The following PRDM4 variants were observed in gnomAD, a reference collection of about 807,000 sequenced individuals.
PRDM4 encodes PR domain zinc finger protein 4.
A neutral mutation model predicts 62.3 loss-of-function variants in PRDM4; 38 were observed. The ratio of observed to expected loss-of-function variants is 0.61; its 90% CI spans 0.47 to 0.80. The LOEUF (loss-of-function observed/expected upper bound fraction) is 0.80. Ranked by LOEUF, PRDM4 falls within the 30% of genes least tolerant of loss-of-function variation. PRDM4 has a pLI of 0.00. For missense variants in PRDM4, 858 were observed against 997.1 expected, an observed-to-expected ratio of 0.86 and a Z score of 1.88; for synonymous variants, 339 against 348.2, an observed-to-expected ratio of 0.97 and a Z score of 0.30.
At chr12:107,754,534 C>T (rs1210545534) in intron 3 of PRDM4, among the ~76,000 whole-genome samples, 1 of 151,978 alleles carries the variant, frequency 6.6e-6, no homozygotes, top group African/African-American at 2.4e-5. Flanking sequence ...AGGCACACAC[C>T]ACCACACCCA....
chr12:107,741,126 G>C lies in PRDM4; in HGVS notation c.1744C>G (p.Pro582Ala), dbSNP rs1239374160. ...CACTTCCTTTCTTTGCTGTGACTTG[G>C]CCCATGGCTGCCGCTATGTCCCTGG... ...PTQGHSGSHG[P>A]SHSKERKWKC... The change falls in exon 10 of 12, where the codon CCA becomes GCA. Residue 582 changes from proline to alanine, a missense_variant. Transcript: ENST00000228437. 1 of 1,614,118 alleles carries C rather than the reference G, an allele frequency of 6.2e-7. No homozygotes were observed. Among genetic ancestry groups the C allele is most frequent in the Admixed American group, 1.7e-5 (1 of 60,026 alleles).
intron 5 of PRDM4, among the ~76,000 whole-genome samples, chr12:107,749,378 CTACT>C (rs1463144466): frequency 6.7e-6 from 1 of 149,710 alleles, no homozygotes; most frequent in African/African-American, 2.4e-5. Flanking sequence ...ACTACCCTAC[CTACT>C]TAGTTTCTGT....
chr12:107,745,583 A>AAAAT (rs1291234752), intron 6 of PRDM4, among the ~76,000 whole-genome samples: 1 of 152,192 alleles, frequency 6.6e-6, no homozygotes, highest in Non-Finnish European at 1.5e-5. Context: ...CAGTCTCTTA[A>AAAAT]AAATAAATAA....
At position 107,754,014 on chromosome 12, in the gene PRDM4, C is replaced by T. The variant is rs143943161; in HGVS notation, c.241G>A (p.Val81Met). The change falls in exon 4 of 12, where the codon GTG (valine) becomes ATG (methionine). Residue 81 changes from valine to methionine, a missense_variant. Transcript: ENST00000228437. ...TTTCTTTCAGGTAACCCACACATCA[C>T]CCCTCGATCCCCAATACCCATTGGT... ...MLPMGIGDRG[V>M]MCGLPERNYT... The T allele has an allele frequency of 1.2e-6, 2 of 1,613,746 alleles. No homozygotes were observed. Among genetic ancestry groups the T allele is most frequent in the East Asian group, 2.2e-5 (1 of 44,880 alleles).
intron 7 of PRDM4, among the ~76,000 whole-genome samples, chr12:107,743,678 C>G (rs1333934632): frequency 2.0e-5 from 3 of 152,180 alleles, no homozygotes; most frequent in Non-Finnish European, 4.4e-5. Flanking sequence ...GCCTAGCATT[C>G]CAAATTTAAA....
chr12:107,739,431 A>G lies in PRDM4; in HGVS notation c.2045T>C (p.Leu682Ser). The change falls in exon 11 of 12, where the codon TTG becomes TCG. Residue 682 changes from leucine to serine, a missense_variant. By Grantham distance (145) the Leu-to-Ser change is moderately radical. This residue lies in a region of PRDM4 where 355 missense variants were observed against 432.6 expected (regional missense o/e 0.82). Transcript: ENST00000228437. ...KNLKCDYCDK[L>S]FMRRQDLKQH... ...CTTGAGGTCCTGCCTCCGCATAAAC[A>G]ACTTGTCACAGTAATCACACTTAAG... 6.2e-7 allele frequency: 1 copy of G among 1,613,884 alleles called. No homozygotes were observed.
At chr12:107,741,645 G>A (rs968561793) in intron 9 of PRDM4, among the ~76,000 whole-genome samples, 2 of 152,148 alleles carry the variant, frequency 1.3e-5, no homozygotes, top group Non-Finnish European at 2.9e-5. Flanking sequence ...TTGAGCCCAG[G>A]AGTTGAAGGT....
At position 107,744,624 on chromosome 12, in the gene PRDM4, G is replaced by A. The variant is rs145372373; in HGVS notation, c.1314C>T (p.Cys438=). The A allele has an allele frequency of 2.2e-4, 363 of 1,613,858 alleles. No individual in the cohort carries two copies. In the African/African-American group the frequency reaches 4.6e-3, roughly 21 times the overall value. The part of the protein sequence containing the change: ...WTGETIPVRT[C]FGPLIGQQSH... Reference sequence around the variant, plus strand: ...TCTGCTGGCCAATTAGAGGTCCAAAGCAAGTCCGCACAGGAATGGTTTCTC... The same window carrying A: ...TCTGCTGGCCAATTAGAGGTCCAAAACAAGTCCGCACAGGAATGGTTTCTC... The change falls in exon 7 of 12, where the codon TGC becomes TGT. Residue 438 remains cysteine, a synonymous_variant. Coordinates refer to ENST00000228437, the MANE Select transcript of PRDM4 (RefSeq NM_012406.4).
At chr12:107,737,331 G>T (rs781685548) in intron 11 of PRDM4, among the ~76,000 whole-genome samples, 62 of 152,016 alleles carry the variant, frequency 4.1e-4, no homozygotes, top group Non-Finnish European at 7.8e-4. Context: ...TTTTACCAAC[G>T]ATCTCCATAG....
Position 107,751,879 on chromosome 12 carries a change from T to G in PRDM4, c.662A>C (p.Glu221Ala). 1 of 1,614,214 alleles carries G rather than the reference T, an allele frequency of 6.2e-7. No homozygotes were observed. Among genetic ancestry groups the G allele is most frequent in the Non-Finnish European group, 8.5e-7 (1 of 1,180,044 alleles). Residue 221 changes from glutamate (E) to alanine (A), a missense_variant, in exon 5 of 12, where the codon GAG (glutamate) becomes GCG (alanine). Coordinates refer to ENST00000228437, the MANE Select transcript of PRDM4 (RefSeq NM_012406.4). ...GGAGCCATTTGGGATTTGGGAATGC[T>G]CGCCTGCAACACCGTCCATCGTAAG... Reference protein sequence around the residue: ...EELTMDGVAGEHSQIPNGSRS... With the variant: ...EELTMDGVAGAHSQIPNGSRS...
At chr12:107,734,788 G>C (rs1405909932) in intron 11 of PRDM4, among the ~76,000 whole-genome samples, 1 of 152,098 alleles carries the variant, frequency 6.6e-6, no homozygotes, top group Non-Finnish European at 1.5e-5. Flanking sequence ...CATTCTCTCA[G>C]TATGATGCTC....
In PRDM4 at chr12:107,761,011, G is replaced by A. The variant is rs1008031729; in HGVS notation, c.-311C>T. On this transcript the variant is annotated 5_prime_UTR_variant, in exon 1 of 12. Transcript: ENST00000228437. ...TGCCCCACTGCTTTGTTCCTCATCC[G>A]GGCAGAGTTCGCCTCGGGGCCCTGC... is the stretch of plus-strand genomic sequence containing the variant. 6.6e-6 allele frequency: 1 copy of A among 150,682 alleles called. No homozygotes were observed. The highest frequency in any genetic ancestry group is 1.5e-5 in the Non-Finnish European group (1 of 67,660). 9.3% of individuals were successfully genotyped at this position (150,682 alleles called of 1,614,324 possible). A position where few individuals can be genotyped will look rare whatever the true frequency, so the allele number is the denominator to read the frequency against.
At chr12:107,756,513 G>A (rs999686403) in intron 3 of PRDM4, among the ~76,000 whole-genome samples, 1 of 152,110 alleles carries the variant, frequency 6.6e-6, no homozygotes, top group African/African-American at 2.4e-5. Context: ...CCCAGGGAAC[G>A]GGTACTGAAG....
In PRDM4 at chr12:107,741,232, G is replaced by C; in HGVS notation, c.1638C>G (p.Leu546=). The C allele has an allele frequency of 6.2e-7, 1 of 1,613,042 alleles. No individual in the cohort carries two copies. Among genetic ancestry groups the C allele is most frequent in the Non-Finnish European group, 8.5e-7 (1 of 1,179,060 alleles). ...AATTGCACTCCTTGCCACAGTTACA[G>C]AGATGCACATCTGGGTGTTCAGGAA... The part of the protein sequence containing the change: ...IGVPEHPDVH[L]CNCGKECNSY... The change falls in exon 10 of 12, where the codon CTC becomes CTG. Residue 546 remains leucine, a synonymous_variant. Coordinates refer to ENST00000228437, the MANE Select transcript of PRDM4 (RefSeq NM_012406.4).
intron 5 of PRDM4, 59 bp downstream of exon 5, chr12:107,751,356 T>C: frequency 6.7e-7 from 1 of 1,498,706 alleles, no homozygotes; most frequent in Non-Finnish European, 9.1e-7. Flanking sequence ...ACTTAACTTG[T>C]TAGGGATGGT....
intron 8 of PRDM4, chr12:107,742,702 T>C: frequency 4.1e-6 from 1 of 244,790 alleles, no homozygotes; most frequent in Non-Finnish European, 7.8e-6. Context: ...TAACAGCCAA[T>C]ATAAAGAAAA....
At position 107,751,658 on chromosome 12, in the gene PRDM4, T is replaced by G; in HGVS notation, c.883A>C (p.Ser295Arg). Residue 295 changes from serine (S) to arginine (R), a missense_variant, in exon 5 of 12, where the codon AGC becomes CGC. By Grantham distance (110) the Ser-to-Arg change is moderately radical. This residue lies in a region of PRDM4 where 499 missense variants were observed against 546.7 expected (regional missense o/e 0.91). Transcript: ENST00000228437. ...AGTGCCACGCTTACAGAGTTGGTGC[T>G]CATGGCCACAGTGTGAATGGAGTCA... is the stretch of plus-strand genomic sequence containing the variant. Reference protein sequence around the residue: ...LSDSIHTVAMSTNSVSVALST... With the variant: ...LSDSIHTVAMRTNSVSVALST... The G allele has an allele frequency of 6.2e-7, 1 of 1,614,140 alleles. No homozygotes were observed. Among genetic ancestry groups the G allele is most frequent in the South Asian group, 1.1e-5 (1 of 91,084 alleles).
At chr12:107,746,458 T>C (rs761754783) in intron 5 of PRDM4, 34 bp from the exon 6 acceptor site, 59 of 1,502,478 alleles carry the variant, frequency 3.9e-5, no homozygotes, top group Non-Finnish European at 5.3e-5. Context: ...TACAAATGGG[T>C]TTAGTTCAAG....
At chr12:107,759,351 T>C (rs1406738175) in intron 2 of PRDM4, among the ~76,000 whole-genome samples, 1 of 152,212 alleles carries the variant, frequency 6.6e-6, no homozygotes, top group Non-Finnish European at 1.5e-5. Context: ...AAACAGACTT[T>C]TCCCTAACTC....
Sources: gnomAD v4.1 joint callset for allele counts (sites outside exome capture counted in the v4.1 genomes callset) on GRCh38, gnomAD v4.1.1 for gene constraint, gnomAD v4.1.1 regional missense constraint, MANE v1.5 for transcripts, NCBI Gene and HGNC (gene_info 2026-07-23, HGNC 2026-07-21) for gene names.